The following MROH7 variants were observed in gnomAD, a reference collection of about 807,000 sequenced individuals.
MROH7 encodes the protein maestro heat-like repeat-containing protein family member 7.
Under a neutral mutation model 129.2 loss-of-function variants are expected in MROH7, and 113 were observed. That is an observed-to-expected ratio of 0.87 (90% CI 0.75 to 1.02). The LOEUF is 1.02. Ranked by LOEUF, MROH7 falls within the 50% of genes least tolerant of loss-of-function variation. The pLI is 0.00. For synonymous variants in MROH7, 655 were observed against 667.9 expected (o/e 0.98, Z 0.30); for missense variants, 1,601 against 1,671.3 (o/e 0.96, Z 0.73).
At chr1:54,705,654 C>A (rs1645521188) in intron 21 of MROH7, among the ~76,000 whole-genome samples, 1 of 151,926 alleles carries the variant, frequency 6.6e-6, no homozygotes, top group South Asian at 2.1e-4. Flanking sequence ...GTAGAAGGTG[C>A]AGATCTGGGG....
chr1:54,672,523 G>A (rs1402344840), intron 7 of MROH7, among the ~76,000 whole-genome samples: 2 of 152,160 alleles, frequency 1.3e-5, no homozygotes, highest in Non-Finnish European at 2.9e-5. Context: ...CTAGGCAGGA[G>A]AGAGATGGCT....
intron 15 of MROH7, 38 bp from the exon 16 acceptor site, chr1:54,692,386 C>T (rs1348200592): frequency 1.2e-6 from 2 of 1,609,752 alleles, no homozygotes; most frequent in Non-Finnish European, 1.7e-6. Context: ...TGCTAGGGCC[C>T]AGGTAGGCAT....
Position 54,695,041 on chromosome 1 carries a change from G to A in MROH7, c.2850-335G>A, listed in dbSNP as rs572271464. Among the ~76,000 whole-genome samples, 165 of 152,306 alleles carry A rather than the reference G, an allele frequency of 1.1e-3. 2 individuals are homozygous for A. The highest frequency in any genetic ancestry group is 3.7e-3 in the African/African-American group (155 of 41,572). ...TGAAAGCATGTGCCTGCTGCCTGGC[G>A]CTTGGTGAGTGGGCCTTCACATCCT... is the stretch of plus-strand genomic sequence containing the variant. On this transcript the variant is annotated intron_variant, in intron 16 of 23. Coordinates refer to ENST00000421030, the MANE Select transcript of MROH7 (RefSeq NM_001039464.4).
intron 10 of MROH7, among the ~76,000 whole-genome samples, chr1:54,678,426 C>T (rs1294549709): frequency 2.6e-5 from 4 of 152,002 alleles, no homozygotes; most frequent in South Asian, 2.1e-4. Flanking sequence ...TAATGTTGAG[C>T]AGAAGAAGAC....
chr1:54,674,985 C>CT (rs59158366), intron 10 of MROH7, among the ~76,000 whole-genome samples: 2,534 of 149,318 alleles, frequency 0.017, 64 homozygotes, highest in African/African-American at 0.058. Context: ...ATAATTCATG[C>CT]TTTTTTTTTT....
rs149022655 is a variant in MROH7 at position 54,676,484 on chromosome 1, A to G, written c.1937-2258A>G. ...GATTGCAGTGGCACGATCTTGGCTC[A>G]TTGCAACCTCCGCCTCCCAGGTTCA... On this transcript the variant is annotated intron_variant, in intron 10 of 23. Transcript: ENST00000421030. Among the ~76,000 whole-genome samples, 690 of 152,252 alleles carry G rather than the reference A, an allele frequency of 4.5e-3. 2 individuals carry two copies. The highest frequency in any genetic ancestry group is 0.016 in the African/African-American group (665 of 41,540).
At chr1:54,673,630 C>A in intron 8 of MROH7, 71 bp from the exon 9 acceptor site, 2 of 1,160,400 alleles carry the variant, frequency 1.7e-6, no homozygotes, top group Non-Finnish European at 2.6e-6. Flanking sequence ...TGGGTGAAGG[C>A]TGGCCTGTCC....
chr1:54,706,316 G>A lies in MROH7; in HGVS notation c.3565-119G>A, dbSNP rs988096472. The A allele has an allele frequency of 1.5e-5, 11 of 721,916 alleles. No individual in the cohort carries two copies. In the Admixed American group the frequency reaches 2.3e-4, roughly 15 times the overall value. The allele number at this position is 721,916 out of a possible 1,614,324, so 44.7% of individuals were successfully genotyped here. On this transcript the variant is annotated intron_variant, in intron 21 of 23. Coordinates refer to ENST00000421030, the MANE Select transcript of MROH7 (RefSeq NM_001039464.4). ...CTGGCCTGTGGGGGACTCATGCAGA[G>A]GGAGCAGATATATTTGGGAGGCAGG...
chr1:54,690,817 G>A (rs1645225199), intron 15 of MROH7, among the ~76,000 whole-genome samples: 1 of 152,182 alleles, frequency 6.6e-6, no homozygotes, highest in East Asian at 1.9e-4. Flanking sequence ...GCCAAGCCAT[G>A]GCTATCTGGA....
At chr1:54,668,330 C>T (rs1370976340) in intron 4 of MROH7, among the ~76,000 whole-genome samples, 2 of 152,212 alleles carry the variant, frequency 1.3e-5, no homozygotes, top group African/African-American at 2.4e-5. Context: ...TGCCACACAC[C>T]TCATCAAATT....
At position 54,673,737 on chromosome 1, in the gene MROH7, G is replaced by T. The variant is rs376595601; in HGVS notation, c.1732G>T (p.Glu578Ter). ...TTGGATGAACTCTGGGAAGGCCCAT[G>T]AGCGAGCACGGGCTGTGAACACCAA... ...GPWMNSGKAH[E>*]RARAVNTNVS... Residue 578 changes from glutamate to a stop codon, truncating the protein, a stop_gained, in exon 9 of 24, where the codon GAG becomes TAG. Transcript: ENST00000421030. LOFTEE classifies it high-confidence loss of function. 2.5e-6 allele frequency: 4 copies of T among 1,614,042 alleles called. No homozygotes were observed. The highest frequency in any genetic ancestry group is 3.4e-6 in the Non-Finnish European group (4 of 1,180,044).
At chr1:54,642,823 C>T (rs1353430619) in intron 1 of MROH7, among the ~76,000 whole-genome samples, 2 of 152,168 alleles carry the variant, frequency 1.3e-5, no homozygotes, top group African/African-American at 4.8e-5. Flanking sequence ...CCATGTTGTT[C>T]AGGCTGGCCT....
At chr1:54,677,073 G>A (rs1488592935) in intron 10 of MROH7, among the ~76,000 whole-genome samples, 3 of 151,824 alleles carry the variant, frequency 2.0e-5, no homozygotes, top group East Asian at 2.0e-4. Context: ...ACTCCTGGGC[G>A]CAAGTGAACC....
intron 4 of MROH7, among the ~76,000 whole-genome samples, chr1:54,667,306 C>T (rs1644828962): frequency 6.6e-6 from 1 of 152,138 alleles, no homozygotes; most frequent in African/African-American, 2.4e-5. Context: ...TAACAAACCA[C>T]CCCAGAATTT....
chr1:54,706,496 A>T lies in MROH7; in HGVS notation c.3626A>T (p.Asn1209Ile), dbSNP rs368343655. 2.5e-6 allele frequency: 4 copies of T among 1,613,064 alleles called. No individual in the cohort carries two copies. In the African/African-American group the frequency reaches 4.0e-5, roughly 16 times the overall value. Reference sequence around the variant, plus strand: ...AGCCAGAGCCTGGAGTATGCCAAGAACTCACGGGCCTCCCTCCGGAAGTGC... The same window carrying T: ...AGCCAGAGCCTGGAGTATGCCAAGATCTCACGGGCCTCCCTCCGGAAGTGC... ...FLSQSLEYAK[N>I]SRASLRKCSV... is the part of the protein sequence containing the mutation. Residue 1209 changes from asparagine to isoleucine, a missense_variant, in exon 22 of 24, where the codon AAC becomes ATC. Physicochemically the swap from Asn to Ile is moderately radical, Grantham distance 149. Transcript: ENST00000421030.
chr1:54,649,320 T>A (rs1644519096), intron 1 of MROH7, among the ~76,000 whole-genome samples: 1 of 152,264 alleles, frequency 6.6e-6, no homozygotes, highest in Non-Finnish European at 1.5e-5. Flanking sequence ...CATCTGGGGC[T>A]CCAGGATTGC....
intron 11 of MROH7, among the ~76,000 whole-genome samples, 200 bp from the exon 12 acceptor site, chr1:54,679,063 G>C (rs867885644): frequency 1.3e-5 from 2 of 152,216 alleles, no homozygotes; most frequent in African/African-American, 2.4e-5. Context: ...CCTGTGCTGA[G>C]TGCAGGGACA....
Position 54,670,488 on chromosome 1 carries a change from C to T in MROH7, c.1390-9C>T, listed in dbSNP as rs754334379. On this transcript the variant is annotated splice_polypyrimidine_tract_variant and intron_variant, in intron 5 of 23. Coordinates refer to ENST00000421030, the MANE Select transcript of MROH7 (RefSeq NM_001039464.4). ...GTCCTCATCGGCCCTTCTGTGGCCC[C>T]CTGTCCAGAGGCAGATCCAGGAGGA... The T allele has an allele frequency of 1.3e-5, 21 of 1,613,270 alleles. No homozygotes were observed. The highest frequency in any genetic ancestry group is 1.7e-5 in the Non-Finnish European group (20 of 1,179,684).
Position 54,653,779 on chromosome 1 carries a change from A to G in MROH7, c.853A>G (p.Arg285Gly), listed in dbSNP as rs1569861776. The change falls in exon 3 of 24, where the codon AGA becomes GGA. Residue 285 changes from arginine (R) to glycine (G), a missense_variant. Arg to Gly is a moderately radical substitution (Grantham distance 125). Transcript: ENST00000421030. ...GAATGTGGCTTCCAGCGGCCACTCC[A>G]GATCTGATTTGAGCGTGACCATCAC... ...TMNVASSGHSRSDLSVTITQA... is the reference protein window; with the variant it reads ...TMNVASSGHSGSDLSVTITQA... The G allele has an allele frequency of 2.5e-6, 4 of 1,614,092 alleles. No individual in the cohort carries two copies. The highest frequency in any genetic ancestry group is 3.3e-5 in the Admixed American group (2 of 59,998).
Sources: gnomAD v4.1 joint callset for allele counts (sites outside exome capture counted in the v4.1 genomes callset) on GRCh38, gnomAD v4.1.1 for gene constraint, MANE v1.5 for transcripts, NCBI Gene and HGNC (gene_info 2026-07-23, HGNC 2026-07-21) for gene names.